The following UMPS variants were observed in gnomAD, a reference collection of about 807,000 sequenced individuals.
UMPS encodes the protein uridine 5'-monophosphate synthase.
UMPS carries 21 observed loss-of-function variants against 38.9 expected under a neutral mutation model. The observed-to-expected ratio is 0.54, with a 90% CI of 0.38 to 0.78. The LOEUF (loss-of-function observed/expected upper bound fraction) is 0.78. Ranked by LOEUF, UMPS falls within the 30% of genes least tolerant of loss-of-function variation. UMPS has a pLI of 0.00. For synonymous variants in UMPS, 208 were observed against 219.3 expected, an observed-to-expected ratio of 0.95 and a Z score of 0.45; for missense variants, 533 against 591.6, an observed-to-expected ratio of 0.90 and a Z score of 1.03.
rs1559909995 is a variant in UMPS at position 124,746,968 on chromosome 3, AAG to A, written c.*2886_*2887del. Reference sequence around the variant, plus strand: ...ACCCTTGTGCTACTGAGTCAGCTCTAAGAAAATCTGCCAAAAGTAGGCCGAGG... The same window carrying A: ...ACCCTTGTGCTACTGAGTCAGCTCTAAAAATCTGCCAAAAGTAGGCCGAGG... On this transcript the variant is annotated 3_prime_UTR_variant, in exon 6 of 6. Coordinates refer to ENST00000232607, the MANE Select transcript of UMPS (RefSeq NM_000373.4). The A allele has an allele frequency of 4.4e-6, 2 of 454,054 alleles. No individual in the cohort carries two copies. The highest frequency in any genetic ancestry group is 3.1e-5 in the South Asian group (2 of 64,472). 28.1% of individuals were successfully genotyped at this position (454,054 alleles called of 1,614,324 possible).
chr3:124,730,583 A>C lies in UMPS; in HGVS notation c.112A>C (p.Ile38Leu), dbSNP rs1331924517. ...LKSGLSSPIYIDLRGIVSRPR... is the reference protein window; with the variant it reads ...LKSGLSSPIYLDLRGIVSRPR... ...GAGCGGGCTTTCCTCCCCCATCTAC[A>C]TCGATCTGCGGGGCATCGTGTCTCG... Residue 38 changes from isoleucine (I) to leucine (L), a missense_variant, in exon 1 of 6, where the codon ATC becomes CTC. By Grantham distance (5) the Ile-to-Leu change is conservative. Transcript: ENST00000232607. 6.2e-7 allele frequency: 1 copy of C among 1,613,228 alleles called. No homozygotes were observed. The highest frequency in any genetic ancestry group is 8.5e-7 in the Non-Finnish European group (1 of 1,179,276).
chr3:124,730,576 C>T lies in UMPS; in HGVS notation c.105C>T (p.Pro35=), dbSNP rs772728104. 1 of 1,613,704 alleles carries T rather than the reference C, an allele frequency of 6.2e-7. No homozygotes were observed. Among genetic ancestry groups the T allele is most frequent in the Non-Finnish European group, 8.5e-7 (1 of 1,179,646 alleles). Residue 35 remains proline (P), a synonymous_variant, in exon 1 of 6, where the codon CCC becomes CCT. Coordinates refer to ENST00000232607, the MANE Select transcript of UMPS (RefSeq NM_000373.4). ...TGCTGAAGAGCGGGCTTTCCTCCCC[C>T]ATCTACATCGATCTGCGGGGCATCG... is the stretch of plus-strand genomic sequence containing the variant. The part of the protein sequence containing the change: ...DFVLKSGLSS[P]IYIDLRGIVS...
rs766808275 is a variant in UMPS, at chr3:124,743,976, TATC to T, written c.1341_1343del (p.Ile448del). On this transcript the variant is annotated inframe_deletion, in exon 6 of 6. Transcript: ENST00000232607. The stretch of plus-strand genomic sequence containing the variant: ...AAGTTATTGGCAAACGAGGTTCCGA[TATC>T]ATCATTGTAGGTCGTGGCATAATCT... 11 of 1,614,136 alleles carry T rather than the reference TATC, an allele frequency of 6.8e-6. No homozygotes were observed. The highest frequency in any genetic ancestry group is 2.2e-5 in the East Asian group (1 of 44,898).
At position 124,737,753 on chromosome 3, in the gene UMPS, C is replaced by A; in HGVS notation, c.496C>A (p.His166Asn). Reference protein sequence around the residue: ...EQGGKDKLQAHGIRLHSVCTL... With the variant: ...EQGGKDKLQANGIRLHSVCTL... ...GGGAGGCAAGGACAAGTTGCAGGCG[C>A]ACGGGATCCGCCTCCACTCAGTGTG... Residue 166 changes from histidine to asparagine, a missense_variant, in exon 3 of 6, where the codon CAC (histidine) becomes AAC (asparagine). Coordinates refer to ENST00000232607, the MANE Select transcript of UMPS (RefSeq NM_000373.4). 1 of 1,614,152 alleles carries A rather than the reference C, an allele frequency of 6.2e-7. No individual in the cohort carries two copies. Among genetic ancestry groups the A allele is most frequent in the Non-Finnish European group, 8.5e-7 (1 of 1,180,030 alleles).
At chr3:124,735,337 C>T (rs2063510408) in intron 2 of UMPS, 91 bp downstream of exon 2, 3 of 1,224,314 alleles carry the variant, frequency 2.5e-6, no homozygotes, top group East Asian at 5.1e-5. Flanking sequence ...AATGTTTTAC[C>T]AGTCATCTTG....
intron 4 of UMPS, among the ~76,000 whole-genome samples, chr3:124,740,840 C>T (rs2063551590): frequency 6.6e-6 from 1 of 151,942 alleles, no homozygotes. Context: ...GTCCCAGCTG[C>T]TTGGGAGGCT....
At position 124,744,945 on chromosome 3, in the gene UMPS, C is replaced by T. The variant is rs1053995792; in HGVS notation, c.*861C>T. On this transcript the variant is annotated 3_prime_UTR_variant, in exon 6 of 6. Transcript: ENST00000232607. ...GGGGAAGGGGAAGGTGACTATAGCT[C>T]AGCTCCTGAGCTAGTATCTGGCTGT... 6 of 453,926 alleles carry T rather than the reference C, an allele frequency of 1.3e-5. No individual in the cohort carries two copies. Among genetic ancestry groups the T allele is most frequent in the Non-Finnish European group, 2.2e-5 (5 of 226,784 alleles). The allele number at this position is 453,926 out of a possible 1,614,324, so 28.1% of individuals were successfully genotyped here. A position where few individuals can be genotyped will look rare whatever the true frequency, so the allele number is the denominator to read the frequency against.
chr3:124,737,985 T>C lies in UMPS; in HGVS notation c.728T>C (p.Leu243Pro), dbSNP rs752220555. Reference sequence around the variant, plus strand: ...AGGATCCACCCAGTTGCATCGAAGCTTCTCAGGCTTATGCAAAAGAAGGAG... The same window carrying C: ...AGGATCCACCCAGTTGCATCGAAGCCTCTCAGGCTTATGCAAAAGAAGGAG... Reference protein sequence around the residue: ...LPRIHPVASKLLRLMQKKETN... With the variant: ...LPRIHPVASKPLRLMQKKETN... Residue 243 changes from leucine to proline, a missense_variant, in exon 3 of 6, where the codon CTT becomes CCT. Leu to Pro is a moderately conservative substitution (Grantham distance 98, BLOSUM62 -3). Transcript: ENST00000232607. The C allele has an allele frequency of 3.1e-6, 5 of 1,614,198 alleles. No individual in the cohort carries two copies. The highest frequency in any genetic ancestry group is 4.2e-6 in the Non-Finnish European group (5 of 1,180,008).
Position 124,730,461 on chromosome 3 carries a change from AGC to A in UMPS, c.-5_-4del, listed in dbSNP as rs768768037. The A allele has an allele frequency of 1.2e-6, 2 of 1,614,020 alleles. No individual in the cohort carries two copies. Among genetic ancestry groups the A allele is most frequent in the South Asian group, 2.2e-5 (2 of 91,076 alleles). ...GCCTGGGAATTTGAAGCAAACAGGC[AGC>A]GCGCGACAATGGCGGTCGCTCGTGC... On this transcript the variant is annotated 5_prime_UTR_variant, in exon 1 of 6. Coordinates refer to ENST00000232607, the MANE Select transcript of UMPS (RefSeq NM_000373.4).
At chr3:124,730,743 C>A in intron 1 of UMPS, 116 bp downstream of exon 1, 2 of 1,231,726 alleles carry the variant, frequency 1.6e-6, no homozygotes, top group Non-Finnish European at 2.3e-6. Flanking sequence ...AGCAGGCAGA[C>A]CGACCCTACT....
intron 2 of UMPS, chr3:124,737,080 T>G (rs1212062177): frequency 1.9e-5 from 3 of 155,848 alleles, no homozygotes; most frequent in African/African-American, 7.2e-5. Flanking sequence ...TTCATAACTT[T>G]CCTTGATCTA....
intron 2 of UMPS, among the ~76,000 whole-genome samples, chr3:124,735,795 G>A (rs1171174175): frequency 1.3e-5 from 2 of 152,004 alleles, no homozygotes; most frequent in African/African-American, 4.8e-5. Context: ...TGACCAACGT[G>A]GTAAAACTCC....
rs111660155 is a variant in UMPS at position 124,738,092 on chromosome 3, A to G, written c.835A>G (p.Met279Val). 3 of 1,614,248 alleles carry G rather than the reference A, an allele frequency of 1.9e-6. No homozygotes were observed. Among genetic ancestry groups the G allele is most frequent in the East Asian group, 4.5e-5 (2 of 44,890 alleles). ...AGATGCTTTAGGACCTAGTATCTGC[A>G]TGCTGAAGACTCATGTAGATATTTT... ...LADALGPSICMLKTHVDILND... is the reference protein window; with the variant it reads ...LADALGPSICVLKTHVDILND... Residue 279 changes from methionine (M) to valine (V), a missense_variant, in exon 3 of 6, where the codon ATG (methionine) becomes GTG (valine). Coordinates refer to ENST00000232607, the MANE Select transcript of UMPS (RefSeq NM_000373.4).
rs761170456 is a variant in UMPS at position 124,748,782 on chromosome 3, G to A, written c.*4698G>A. 50 of 407,606 alleles carry A rather than the reference G, an allele frequency of 1.2e-4. No homozygotes were observed. The highest frequency in any genetic ancestry group is 8.6e-4 in the South Asian group (47 of 54,798). 25.2% of individuals were successfully genotyped at this position (407,606 alleles called of 1,614,324 possible). On this transcript the variant is annotated 3_prime_UTR_variant, in exon 6 of 6. Transcript: ENST00000232607. Reference sequence around the variant, plus strand: ...GCCCCAGCTCGGCCATGTGTGTCTGGGACAGAGCCTGAGGTGGCCTGAGCT... The same window carrying A: ...GCCCCAGCTCGGCCATGTGTGTCTGAGACAGAGCCTGAGGTGGCCTGAGCT...
At chr3:124,743,888 AAAC>A in intron 5 of UMPS, 24 bp from the exon 6 acceptor site, 2 of 1,613,628 alleles carry the variant, frequency 1.2e-6, no homozygotes, top group Non-Finnish European at 1.7e-6. Flanking sequence ...GTATTATGTG[AAAC>A]AACAATTTTT....
chr3:124,746,515 A>G lies in UMPS; in HGVS notation c.*2431A>G, dbSNP rs1213161873. On this transcript the variant is annotated 3_prime_UTR_variant, in exon 6 of 6. Coordinates refer to ENST00000232607, the MANE Select transcript of UMPS (RefSeq NM_000373.4). ...GGCAGAGAAGAACTTGGGCTATACA[A>G]GCGCTGTTCTTCAGCATTGAAGTAT... 2.2e-6 allele frequency: 1 copy of G among 454,166 alleles called. No individual in the cohort carries two copies. The highest frequency in any genetic ancestry group is 1.6e-5 in the South Asian group (1 of 64,478). 28.1% of individuals were successfully genotyped at this position (454,166 alleles called of 1,614,324 possible).
At chr3:124,731,469 A>C (rs749032805) in intron 1 of UMPS, 1 of 430,134 alleles carries the variant, frequency 2.3e-6, no homozygotes, top group Non-Finnish European at 4.6e-6. Context: ...TAGCTAATCA[A>C]TCGCTTGTGT....
In UMPS at chr3:124,745,226, G is replaced by C. The variant is rs1435637255; in HGVS notation, c.*1142G>C. 1.5e-5 allele frequency: 7 copies of C among 454,148 alleles called. No homozygotes were observed. Among genetic ancestry groups the C allele is most frequent in the Middle Eastern group, 6.9e-4 (1 of 1,444 alleles). 28.1% of individuals were successfully genotyped at this position (454,148 alleles called of 1,614,324 possible). ...TTTGAGCAGGGGCAGGGTGAGGGCT[G>C]TCCCGGTGCTCATTGCACCAGCACA... On this transcript the variant is annotated 3_prime_UTR_variant, in exon 6 of 6. Transcript: ENST00000232607.
Position 124,744,312 on chromosome 3 carries a change from C to T in UMPS, c.*228C>T, listed in dbSNP as rs1000535212. 2 of 608,180 alleles carry T rather than the reference C, an allele frequency of 3.3e-6. No homozygotes were observed. Among genetic ancestry groups the T allele is most frequent in the Non-Finnish European group, 6.0e-6 (2 of 331,284 alleles). 37.7% of individuals were successfully genotyped at this position (608,180 alleles called of 1,614,324 possible). On this transcript the variant is annotated 3_prime_UTR_variant, in exon 6 of 6. Coordinates refer to ENST00000232607, the MANE Select transcript of UMPS (RefSeq NM_000373.4). The stretch of plus-strand genomic sequence containing the variant: ...ATTCTTAAGCTTGCTTTTTTTGAGA[C>T]TGGTGTTTGTTAGACAGCCACAGTC...
Sources: gnomAD v4.1 joint callset for allele counts (sites outside exome capture counted in the v4.1 genomes callset) on GRCh38, gnomAD v4.1.1 for gene constraint, MANE v1.5 for transcripts, NCBI Gene and HGNC (gene_info 2026-07-23, HGNC 2026-07-21) for gene names.